ELF2: variants seen among roughly 807,000 people sequenced by gnomAD.
The protein encoded by ELF2 is E74 like ETS transcription factor 2, also known as ETS-related transcription factor Elf-2.
Under a neutral mutation model 54.8 loss-of-function variants are expected in ELF2, and 11 were observed. That is an observed-to-expected ratio of 0.20 (90% CI 0.13 to 0.33). The LOEUF (loss-of-function observed/expected upper bound fraction) is 0.33. Among genes scored for constraint, ELF2 ranks in the 10% least tolerant of loss-of-function variants. ELF2 has a pLI of 1.00. For missense variants in ELF2, 513 were observed against 703.0 expected (o/e 0.73, Z 3.06); for synonymous variants, 203 against 245.1 (o/e 0.83, Z 1.61).
At chr4:139,133,236 AATAAGG>A (rs1737735580) in intron 3 of ELF2, among the ~76,000 whole-genome samples, 1 of 152,172 alleles carries the variant, frequency 6.6e-6, no homozygotes. Flanking sequence ...TCTTATAAGC[AATAAGG>A]ATAAGGAGAG....
At chr4:139,150,783 G>A (rs966247182) in intron 1 of ELF2, among the ~76,000 whole-genome samples, 1 of 152,036 alleles carries the variant, frequency 6.6e-6, no homozygotes, top group African/African-American at 2.4e-5. Context: ...AGCACTTTGG[G>A]AGGCTGAGGC....
intron 1 of ELF2, among the ~76,000 whole-genome samples, chr4:139,143,405 T>C (rs1738909590): frequency 6.6e-6 from 1 of 152,232 alleles, no homozygotes. Flanking sequence ...TCTCCCCCTC[T>C]GGCTGAAGTC....
intron 1 of ELF2, among the ~76,000 whole-genome samples, chr4:139,169,801 A>G (rs556623954): frequency 5.0e-4 from 76 of 151,650 alleles, no homozygotes; most frequent in African/African-American, 1.7e-3. Flanking sequence ...AGCTTGCCAT[A>G]AACTGAGATC....
intron 1 of ELF2, among the ~76,000 whole-genome samples, chr4:139,142,131 T>C (rs1738764808): frequency 6.6e-6 from 1 of 152,128 alleles, no homozygotes; most frequent in African/African-American, 2.4e-5. Flanking sequence ...TACCTGTAGA[T>C]GGTGATGAAG....
At chr4:139,115,276 G>A (rs1015226375) in intron 4 of ELF2, 2 of 1,601,466 alleles carry the variant, frequency 1.2e-6, no homozygotes, top group South Asian at 1.1e-5. Flanking sequence ...GGTCCCGGGG[G>A]GGGCTCTGAA....
At chr4:139,088,640 CTGTT>C (rs1482909133) in intron 4 of ELF2, among the ~76,000 whole-genome samples, 1 of 152,202 alleles carries the variant, frequency 6.6e-6, no homozygotes, top group Non-Finnish European at 1.5e-5. Flanking sequence ...TTAAATGTGA[CTGTT>C]TGCCTAAAGT....
intron 1 of ELF2, among the ~76,000 whole-genome samples, chr4:139,154,343 T>C (rs1740319286): frequency 6.6e-6 from 1 of 152,190 alleles, no homozygotes; most frequent in South Asian, 2.1e-4. Flanking sequence ...TAGACGTATC[T>C]AGTTCTTTTC....
chr4:139,067,925 CA>C (rs1327150015), intron 6 of ELF2, among the ~76,000 whole-genome samples, 155 bp from the exon 7 acceptor site: 3 of 152,142 alleles, frequency 2.0e-5, no homozygotes, highest in Non-Finnish European at 4.4e-5. Context: ...AGGAGTATTA[CA>C]AACACTTTTG....
intron 3 of ELF2, among the ~76,000 whole-genome samples, chr4:139,130,072 C>T (rs575547270): frequency 1.3e-5 from 2 of 152,010 alleles, no homozygotes; most frequent in South Asian, 4.2e-4. Context: ...TATGTCCTTA[C>T]AAAAGGGAAA....
At position 139,069,256 on chromosome 4, in the gene ELF2, C is replaced by T. The variant is rs1224386580; in HGVS notation, c.527-1486G>A. Reference sequence around the variant, plus strand: ...TGTCACTCTATTCTTCATTAGGAAGCATTAGATTAATTATATAAAGAGCTA... The same window carrying T: ...TGTCACTCTATTCTTCATTAGGAAGTATTAGATTAATTATATAAAGAGCTA... On this transcript the variant is annotated intron_variant, in intron 6 of 9. Coordinates refer to ENST00000686138, the MANE Select transcript of ELF2 (RefSeq NM_001331036.3). Among the ~76,000 whole-genome samples, 6 of 152,140 alleles carry T rather than the reference C, an allele frequency of 3.9e-5. No homozygotes were observed. In the East Asian group the frequency reaches 1.2e-3, roughly 29 times the overall value.
chr4:139,134,065 C>G (rs887062673), intron 3 of ELF2, among the ~76,000 whole-genome samples: 1 of 152,170 alleles, frequency 6.6e-6, no homozygotes, highest in Non-Finnish European at 1.5e-5. Context: ...TTGCCTTGCT[C>G]TCAACCATTA....
intron 3 of ELF2, among the ~76,000 whole-genome samples, chr4:139,136,386 C>T (rs1738155615): frequency 2.0e-5 from 3 of 151,528 alleles, no homozygotes; most frequent in Admixed American, 1.3e-4. Context: ...ATAGCTGATC[C>T]GGATCTTAGA....
At chr4:139,076,879 T>C (rs1199280985) in intron 4 of ELF2, among the ~76,000 whole-genome samples, 1 of 152,084 alleles carries the variant, frequency 6.6e-6, no homozygotes, top group Non-Finnish European at 1.5e-5. Context: ...AAATTCAACA[T>C]ATTATATCTC....
At chr4:139,123,679 C>CA (rs971866583) in intron 4 of ELF2, among the ~76,000 whole-genome samples, 3 of 152,160 alleles carry the variant, frequency 2.0e-5, no homozygotes, top group African/African-American at 7.2e-5. Context: ...AACTTGCTAT[C>CA]AAAATCATAG....
Position 139,156,597 on chromosome 4 carries a change from G to GATAT in ELF2, c.-251-17104_-251-17101dup, listed in dbSNP as rs111249661. 6.9e-3 allele frequency among the ~76,000 whole-genome samples: 1,035 copies of GATAT among 150,062 alleles called. 14 individuals are homozygous for GATAT. The highest frequency in any genetic ancestry group is 0.024 in the African/African-American group (982 of 40,976). On this transcript the variant is annotated intron_variant, in intron 1 of 9. Transcript: ENST00000686138. ...CAATTAACATACATGTTCATTCATAGATATATATATATATATTTGTTGTTT... is the reference window on the plus strand; with the variant it reads ...CAATTAACATACATGTTCATTCATAGATATATATATATATATATATTTGTTGTTT...
At chr4:139,177,658 G>A (rs927794066), upstream of ELF2, among the ~76,000 whole-genome samples, 1 of 152,030 alleles carries the variant, frequency 6.6e-6, no homozygotes, top group Non-Finnish European at 1.5e-5. Context: ...GCAGGCGTGT[G>A]AGGCCGATGG....
chr4:139,100,670 A>AT (rs1176845312), intron 4 of ELF2: 5 of 152,208 alleles, frequency 3.3e-5, no homozygotes, highest in African/African-American at 1.2e-4. Flanking sequence ...TAAAAAAAAC[A>AT]TTTTTTTAAC....
chr4:139,164,102 G>C (rs1578972596), intron 1 of ELF2, among the ~76,000 whole-genome samples: 1 of 149,148 alleles, frequency 6.7e-6, no homozygotes, highest in Admixed American at 6.7e-5. Flanking sequence ...GAGGGAGAGA[G>C]AGAAAGAGGG....
rs1334902417 is a variant in ELF2 at position 139,082,957 on chromosome 4, C to T, written c.239-9390G>A. On this transcript the variant is annotated intron_variant, in intron 4 of 9. Transcript: ENST00000686138. ...GCAGTGGCGCCGCACATCCCCCACC[C>T]CTGCGGCCACTTCCGTGTTTACACT... Among the ~76,000 whole-genome samples the T allele has an allele frequency of 2.0e-5, 3 of 152,232 alleles. No homozygotes were observed. The East Asian group carries it at 5.8e-4, about 29-fold the overall frequency.
Sources: allele counts gnomAD v4.1 joint callset (sites outside exome capture counted in the v4.1 genomes callset), GRCh38; gene constraint gnomAD v4.1.1; transcripts MANE v1.5; gene names NCBI Gene and HGNC (gene_info 2026-07-23, HGNC 2026-07-21).